The following SNAP29 variants were observed in gnomAD, a reference collection of about 807,000 sequenced individuals.
SNAP29 encodes synaptosomal-associated protein 29.
SNAP29 carries 13 observed loss-of-function variants against 27.9 expected under a neutral mutation model. The ratio of observed to expected loss-of-function variants is 0.47; its 90% CI spans 0.30 to 0.74. SNAP29 has a LOEUF of 0.74. Ranked by LOEUF, SNAP29 falls within the 30% of genes least tolerant of loss-of-function variation. The pLI is 0.06. For synonymous variants in SNAP29, 119 were observed against 127.1 expected, an observed-to-expected ratio of 0.94 and a Z score of 0.43; for missense variants, 368 against 336.5, an observed-to-expected ratio of 1.09 and a Z score of -0.73.
chr22:20,868,819 A>G (rs756954344), intron 1 of SNAP29, among the ~76,000 whole-genome samples: 15 of 152,154 alleles, frequency 9.9e-5, no homozygotes, highest in Non-Finnish European at 1.5e-4. Flanking sequence ...TTTGTCGTAA[A>G]TAAAGGAAAG....
chr22:20,866,557 C>T lies in SNAP29; in HGVS notation c.238-3780C>T, dbSNP rs1350657807. 2.0e-5 allele frequency among the ~76,000 whole-genome samples: 3 copies of T among 151,982 alleles called. No homozygotes were observed. In the East Asian group the frequency reaches 5.8e-4, roughly 29 times the overall value. On this transcript the variant is annotated intron_variant, in intron 1 of 4. Transcript: ENST00000215730. ...GGAGGTCTCGGTCACGGAAGCCCACCTGATGTTATAAGATGTGTTGGCTGC... is the reference window on the plus strand; with the variant it reads ...GGAGGTCTCGGTCACGGAAGCCCACTTGATGTTATAAGATGTGTTGGCTGC...
chr22:20,886,813 A>G (rs1353525698), intron 4 of SNAP29, among the ~76,000 whole-genome samples: 1 of 151,318 alleles, frequency 6.6e-6, no homozygotes, highest in African/African-American at 2.4e-5. Flanking sequence ...GGGTTTCACC[A>G]TGTTGGCCAA....
At chr22:20,874,082 T>C (rs1331788722) in intron 2 of SNAP29, among the ~76,000 whole-genome samples, 1 of 149,620 alleles carries the variant, frequency 6.7e-6, no homozygotes, top group Non-Finnish European at 1.5e-5. Context: ...GAGACCATCC[T>C]GGCTAACACG....
intron 1 of SNAP29, among the ~76,000 whole-genome samples, chr22:20,863,008 C>T (rs1601644264): frequency 2.0e-5 from 3 of 152,276 alleles, no homozygotes; most frequent in Admixed American, 6.5e-5. Context: ...CTGCCACAGC[C>T]TCCCAAGTAG....
chr22:20,883,620 C>A (rs780348943), intron 4 of SNAP29, 51 bp downstream of exon 4: 2 of 1,217,922 alleles, frequency 1.6e-6, no homozygotes, highest in Admixed American at 1.7e-5. Context: ...CTTCAGGCAG[C>A]TTACGCCAAG....
At chr22:20,881,194 G>A (rs1476139225) in intron 3 of SNAP29, 60 bp downstream of exon 3, 3 of 1,256,444 alleles carry the variant, frequency 2.4e-6, no homozygotes, top group Non-Finnish European at 3.5e-6. Flanking sequence ...CTCTAGGTTT[G>A]GCGTTGGTCC....
At position 20,888,239 on chromosome 22, in the gene SNAP29, G is replaced by T. The variant is rs956510953; in HGVS notation, c.*403G>T. Reference sequence around the variant, plus strand: ...CCTAAGCCTTACCATGAGTCAGAGTGTTAAGGGGGCCTGTGAACCAGTCGT... The same window carrying T: ...CCTAAGCCTTACCATGAGTCAGAGTTTTAAGGGGGCCTGTGAACCAGTCGT... On this transcript the variant is annotated 3_prime_UTR_variant, in exon 5 of 5. Coordinates refer to ENST00000215730, the MANE Select transcript of SNAP29 (RefSeq NM_004782.4). 1.9e-4 allele frequency: 61 copies of T among 316,284 alleles called. No homozygotes were observed. The highest frequency in any genetic ancestry group is 1.8e-5 in the Non-Finnish European group (3 of 164,862). 19.6% of individuals were successfully genotyped at this position (316,284 alleles called of 1,614,324 possible). A position where few individuals can be genotyped will look rare whatever the true frequency, so the allele number is the denominator to read the frequency against.
intron 3 of SNAP29, among the ~76,000 whole-genome samples, chr22:20,881,528 G>A (rs1188020470): frequency 6.6e-6 from 1 of 152,104 alleles, no homozygotes; most frequent in Non-Finnish European, 1.5e-5. Flanking sequence ...ATAACGTGGT[G>A]AAACCCTGTC....
At chr22:20,861,787 G>A (rs562594550) in intron 1 of SNAP29, among the ~76,000 whole-genome samples, 4 of 152,130 alleles carry the variant, frequency 2.6e-5, no homozygotes, top group East Asian at 1.9e-4. Flanking sequence ...GGCACCCGCC[G>A]CCATGCCCAG....
intron 4 of SNAP29, among the ~76,000 whole-genome samples, chr22:20,887,156 C>T (rs948164291): frequency 4.0e-5 from 6 of 150,242 alleles, no homozygotes; most frequent in African/African-American, 4.9e-5. Context: ...ACCCAGGAGA[C>T]GGAGGTTGCA....
At chr22:20,874,461 C>T (rs1229478718) in intron 2 of SNAP29, among the ~76,000 whole-genome samples, 1 of 150,996 alleles carries the variant, frequency 6.6e-6, no homozygotes. Flanking sequence ...TGAGGTGGAC[C>T]CGACCTTTTG....
At chr22:20,877,620 G>A (rs1928779984) in intron 2 of SNAP29, among the ~76,000 whole-genome samples, 1 of 152,132 alleles carries the variant, frequency 6.6e-6, no homozygotes, top group Admixed American at 6.5e-5. Flanking sequence ...GGAGGCTGAA[G>A]CAGGAGAATC....
chr22:20,873,331 G>A (rs1226596685), intron 2 of SNAP29, among the ~76,000 whole-genome samples: 1 of 147,484 alleles, frequency 6.8e-6, no homozygotes, highest in African/African-American at 2.5e-5. Flanking sequence ...TTTTTTTAAT[G>A]CATCACTAAG....
At chr22:20,859,426 T>C (rs1303946918) in intron 1 of SNAP29, 79 bp downstream of exon 1, 1 of 1,090,252 alleles carries the variant, frequency 9.2e-7, no homozygotes, top group African/African-American at 1.5e-5. Context: ...TTGCTCACAA[T>C]CTTTTGAGAA....
At chr22:20,872,588 G>A (rs961451596) in intron 2 of SNAP29, among the ~76,000 whole-genome samples, 1 of 152,054 alleles carries the variant, frequency 6.6e-6, no homozygotes, top group Non-Finnish European at 1.5e-5. Flanking sequence ...TTTTAGTAGA[G>A]ACGGGGTTTC....
chr22:20,859,326 G>T lies in SNAP29; in HGVS notation c.216G>T (p.Lys72Asn), dbSNP rs752961634. 3.7e-6 allele frequency: 6 copies of T among 1,613,434 alleles called. No individual in the cohort carries two copies. Among genetic ancestry groups the T allele is most frequent in the Non-Finnish European group, 1.7e-6 (2 of 1,179,766 alleles). Reference sequence around the variant, plus strand: ...TGGCCCTCATGTACGAGTCCGAGAAGGTTGGGGTCGCCTCTTCCGAGGTGA... The same window carrying T: ...TGGCCCTCATGTACGAGTCCGAGAATGTTGGGGTCGCCTCTTCCGAGGTGA... ...RSLALMYESE[K>N]VGVASSEELA... The change falls in exon 1 of 5, where the codon AAG becomes AAT. Residue 72 changes from lysine to asparagine, a missense_variant. Physicochemically the swap from Lys to Asn is moderately conservative, Grantham distance 94. Coordinates refer to ENST00000215730, the MANE Select transcript of SNAP29 (RefSeq NM_004782.4).
At chr22:20,860,365 C>G (rs1173769168) in intron 1 of SNAP29, among the ~76,000 whole-genome samples, 2 of 103,026 alleles carry the variant, frequency 1.9e-5, no homozygotes, top group African/African-American at 4.6e-5. Context: ...GGGTCTTTTT[C>G]TTTTTCTTTT....
intron 4 of SNAP29, among the ~76,000 whole-genome samples, chr22:20,884,344 A>AG (rs926865919): frequency 2.0e-5 from 3 of 151,902 alleles, no homozygotes; most frequent in Non-Finnish European, 4.4e-5. Context: ...AAAAAAAAAA[A>AG]AAGAAGAAGT....
intron 1 of SNAP29, among the ~76,000 whole-genome samples, chr22:20,862,610 G>A (rs111371747): frequency 9.1e-4 from 138 of 152,230 alleles, no homozygotes; most frequent in African/African-American, 3.0e-3. Flanking sequence ...GACATGCCCC[G>A]TGCTGCCCCC....
Sources: allele counts gnomAD v4.1 joint callset (sites outside exome capture counted in the v4.1 genomes callset), GRCh38; gene constraint gnomAD v4.1.1; transcripts MANE v1.5; gene names NCBI Gene and HGNC (gene_info 2026-07-23, HGNC 2026-07-21).